Variants in RMST observed in about 807,000 individuals in gnomAD.
RMST encodes the protein rhabdomyosarcoma 2 associated transcript, also known as long intergenic non-protein coding RNA 54.
intron 5 of RMST, among the ~76,000 whole-genome samples, chr12:97,484,066 T>A (rs1011694094): frequency 6.6e-6 from 1 of 152,170 alleles, no homozygotes; most frequent in Non-Finnish European, 1.5e-5. Context: ...CTCTTCTTCT[T>A]GTGGTGGGGA....
At chr12:97,540,941 G>GATAGATATAGAT (rs11269215) in intron 11 of RMST, among the ~76,000 whole-genome samples, 14,445 of 145,454 alleles carry the variant, frequency 0.099, 871 homozygotes, top group East Asian at 0.25. Flanking sequence ...TAGAGAGATA[G>GATAGATATAGAT]ATAGATATAG....
intron 5 of RMST, among the ~76,000 whole-genome samples, chr12:97,471,030 G>A (rs112131803): frequency 0.016 from 2,401 of 151,966 alleles, 60 homozygotes; most frequent in African/African-American, 0.053. Flanking sequence ...GTGTAGCCTC[G>A]AAATCTTAAG....
chr12:97,519,477 A>G (rs1880289724), intron 10 of RMST, among the ~76,000 whole-genome samples: 2 of 152,238 alleles, frequency 1.3e-5, no homozygotes, highest in South Asian at 4.1e-4. Flanking sequence ...TATTTGAATC[A>G]GTCTACATCA....
chr12:97,469,620 ACAGAG>A (rs1397734041), intron 5 of RMST, among the ~76,000 whole-genome samples: 2 of 151,946 alleles, frequency 1.3e-5, no homozygotes, highest in African/African-American at 4.8e-5. Flanking sequence ...CTTCAGGGTC[ACAGAG>A]CTAACGAGCA....
chr12:97,510,165 A>T (rs928268109), intron 10 of RMST, among the ~76,000 whole-genome samples: 10 of 152,262 alleles, frequency 6.6e-5, no homozygotes, highest in Non-Finnish European at 1.5e-5. Flanking sequence ...TCAAAGAAAT[A>T]CATTTAATTA....
intron 10 of RMST, among the ~76,000 whole-genome samples, chr12:97,506,259 T>C (rs1018523509): frequency 1.3e-5 from 2 of 152,206 alleles, no homozygotes; most frequent in Non-Finnish European, 2.9e-5. Flanking sequence ...CTCAAAACCC[T>C]ATTTCTTTTA....
intron 5 of RMST, among the ~76,000 whole-genome samples, chr12:97,480,531 C>T (rs1404129154): frequency 5.9e-5 from 9 of 152,298 alleles, no homozygotes; most frequent in South Asian, 2.1e-4. Context: ...TGTCACCATG[C>T]GATCCACCTA....
At chr12:97,475,430 A>C (rs1411729987) in intron 5 of RMST, among the ~76,000 whole-genome samples, 1 of 152,168 alleles carries the variant, frequency 6.6e-6, no homozygotes, top group East Asian at 1.9e-4. Context: ...TGTGGTAGGA[A>C]GAGTACAGCC....
intron 10 of RMST, among the ~76,000 whole-genome samples, chr12:97,512,043 T>C (rs1879374489): frequency 6.6e-6 from 1 of 152,206 alleles, no homozygotes; most frequent in Admixed American, 6.5e-5. Context: ...CCAGAGTTTG[T>C]TCCTTCTGAT....
chr12:97,551,321 A>AAGAG (rs1883293782), intron 11 of RMST, among the ~76,000 whole-genome samples: 1 of 151,736 alleles, frequency 6.6e-6, no homozygotes, highest in East Asian at 1.9e-4. Flanking sequence ...ATAAAAATAA[A>AAGAG]AAAGAATATT....
intron 10 of RMST, among the ~76,000 whole-genome samples, chr12:97,517,781 TC>T (rs1880086967): frequency 6.6e-6 from 1 of 152,076 alleles, no homozygotes; most frequent in African/African-American, 2.4e-5. Flanking sequence ...GTGTGATCCT[TC>T]TATTTATCAT....
intron 10 of RMST, among the ~76,000 whole-genome samples, chr12:97,517,251 TCTC>T (rs1403016966): frequency 4.6e-5 from 7 of 151,880 alleles, no homozygotes; most frequent in Non-Finnish European, 8.8e-5. Flanking sequence ...GAAGCCAGCT[TCTC>T]CTTCACACCA....
In RMST at chr12:97,564,296, T is replaced by C. The variant is rs1188672417; in HGVS notation, n.2105T>C. On this transcript the variant is annotated non_coding_transcript_exon_variant, in exon 14 of 14. Transcript: ENST00000640149. ...CAGACTTGCCCTCTTGGAAATGTGG[T>C]CCAGATTTCTCTACTCCCAAGCTCC... 3 of 170,694 alleles carry C rather than the reference T, an allele frequency of 1.8e-5. No individual in the cohort carries two copies. The East Asian group carries it at 4.8e-4, about 28-fold the overall frequency. 10.6% of individuals were successfully genotyped at this position (170,694 alleles called of 1,614,324 possible). A position where few individuals can be genotyped will look rare whatever the true frequency, so the allele number is the denominator to read the frequency against.
At chr12:97,512,298 G>GA (rs1879431678) in intron 10 of RMST, among the ~76,000 whole-genome samples, 1 of 152,178 alleles carries the variant, frequency 6.6e-6, no homozygotes, top group African/African-American at 2.4e-5. Context: ...AGGCAGTGGG[G>GA]ACCCAAAGAG....
intron 10 of RMST, among the ~76,000 whole-genome samples, chr12:97,509,422 C>G (rs11109075): frequency 0.57 from 86,812 of 152,070 alleles, 26,113 homozygotes; most frequent in Middle Eastern, 0.69. Flanking sequence ...CCCTCAGCCA[C>G]TTAAGTCCAA....
At chr12:97,491,973 C>A (rs1431906233) in intron 5 of RMST, 1 of 532,962 alleles carries the variant, frequency 1.9e-6, no homozygotes, top group African/African-American at 1.9e-5. Context: ...CCAGTGTAGA[C>A]ATGGCCTGAT....
chr12:97,523,944 T>TG (rs1266864507), intron 10 of RMST, among the ~76,000 whole-genome samples: 1 of 151,230 alleles, frequency 6.6e-6, no homozygotes, highest in South Asian at 2.1e-4. Context: ...GGCATGGTGG[T>TG]GCGTGCCTGT....
chr12:97,495,001 T>C (rs1286568795), intron 9 of RMST: 1 of 152,178 alleles, frequency 6.6e-6, no homozygotes, highest in Non-Finnish European at 1.5e-5. Context: ...TAAAGCTTCA[T>C]ATACAATTAT....
chr12:97,535,498 C>A (rs1412315704), intron 11 of RMST, among the ~76,000 whole-genome samples: 1 of 151,512 alleles, frequency 6.6e-6, no homozygotes, highest in Admixed American at 6.6e-5. Context: ...GTACTCCCCC[C>A]AATCCAGTGA....
Sources: allele counts gnomAD v4.1 joint callset (sites outside exome capture counted in the v4.1 genomes callset), GRCh38; gene constraint gnomAD v4.1.1; transcripts MANE v1.5; gene names NCBI Gene and HGNC (gene_info 2026-07-23, HGNC 2026-07-21).